The following CSF1 variants were observed in gnomAD, a reference collection of about 807,000 sequenced individuals.
CSF1 encodes the protein macrophage colony-stimulating factor 1.
Under a neutral mutation model 48.9 loss-of-function variants are expected in CSF1, and 9 were observed. That is an observed-to-expected ratio of 0.18 (90% CI 0.11 to 0.32). The LOEUF is 0.32. Among genes scored for constraint, CSF1 ranks in the 10% least tolerant of loss-of-function variants. The pLI, the probability that CSF1 is intolerant of heterozygous loss-of-function variation, is 1.00. For missense variants in CSF1, 672 were observed against 697.9 expected (o/e 0.96, Z 0.42); for synonymous variants, 305 against 284.1 (o/e 1.07, Z -0.74).
rs1390616870 is a variant in CSF1 at position 109,924,090 on chromosome 1, G to C, written c.1469G>C (p.Ser490Thr). ...GHERQSEGSF[S>T]PQLQESVFHL... ...GAGAGGCAGTCCGAGGGATCCTTCA[G>C]CCCGCAGCTCCAGGAGTCTGTCTTC... Residue 490 changes from serine (S) to threonine (T), a missense_variant, in exon 6 of 9, where the codon AGC becomes ACC. Around this residue, in one of 3 missense-constraint regions of CSF1, gnomAD observed 591 missense variants for 593.6 expected, o/e 1.00. Transcript: ENST00000329608. The C allele has an allele frequency of 6.2e-7, 1 of 1,614,204 alleles. No homozygotes were observed. The highest frequency in any genetic ancestry group is 8.5e-7 in the Non-Finnish European group (1 of 1,180,024).
At chr1:109,917,198 A>C (rs1647259578) in intron 3 of CSF1, 95 bp from the exon 4 acceptor site, 1 of 1,326,786 alleles carries the variant, frequency 7.5e-7, no homozygotes, top group Admixed American at 2.1e-5. Context: ...CCCTGGGGGA[A>C]GGGGGAGAGC....
Position 109,929,684 on chromosome 1 carries a change from C to G in CSF1, c.*846C>G, listed in dbSNP as rs1461990779. The G allele has an allele frequency of 6.5e-6, 1 of 154,194 alleles. No individual in the cohort carries two copies. Among genetic ancestry groups the G allele is most frequent in the Non-Finnish European group, 1.4e-5 (1 of 69,350 alleles). The allele number at this position is 154,194 out of a possible 1,614,324, so 9.6% of individuals were successfully genotyped here. On this transcript the variant is annotated 3_prime_UTR_variant, in exon 9 of 9. Transcript: ENST00000329608. Reference sequence around the variant, plus strand: ...TGCCTGCTGAACAGCCTGCCCCCGTCCATCCATGAGCCAGCATCCGTCCGT... The same window carrying G: ...TGCCTGCTGAACAGCCTGCCCCCGTGCATCCATGAGCCAGCATCCGTCCGT...
rs762780495 is a variant in CSF1 at position 109,921,924 on chromosome 1, T to G, written c.474T>G (p.Asn158Lys). Residue 158 changes from asparagine (N) to lysine (K), a missense_variant, in exon 5 of 9, where the codon AAT (asparagine) becomes AAG (lysine). Asn to Lys is a moderately conservative substitution (Grantham distance 94, BLOSUM62 0). Transcript: ENST00000329608. ...KVKNVFNETK[N>K]LLDKDWNIFS... ...AGAATGTCTTTAATGAAACAAAGAA[T>G]CTCCTTGACAAGGACTGGAATATTT... 2 of 1,611,810 alleles carry G rather than the reference T, an allele frequency of 1.2e-6. No homozygotes were observed. The highest frequency in any genetic ancestry group is 1.1e-5 in the South Asian group (1 of 90,726).
rs1647550785 is a variant in CSF1, at chr1:109,921,702, T to C, written c.397-145T>C. ...TATCTCATAACCTCAGGACTCATTC[T>C]GCTGCAAACCAGGGGAAAGGGGAGC... is the stretch of plus-strand genomic sequence containing the variant. On this transcript the variant is annotated intron_variant, in intron 4 of 8. Transcript: ENST00000329608. The C allele has an allele frequency of 4.0e-6, 4 of 1,009,982 alleles. No homozygotes were observed. The Admixed American group carries it at 1.1e-4, about 27-fold the overall frequency. 62.6% of individuals were successfully genotyped at this position (1,009,982 alleles called of 1,614,324 possible). A position where few individuals can be genotyped will look rare whatever the true frequency, so the allele number is the denominator to read the frequency against.
At position 109,911,039 on chromosome 1, in the gene CSF1, G is replaced by A. The variant is rs1187521737; in HGVS notation, c.16G>A (p.Ala6Thr). 8.8e-7 allele frequency: 1 copy of A among 1,138,650 alleles called. No individual in the cohort carries two copies. The highest frequency in any genetic ancestry group is 1.1e-6 in the Non-Finnish European group (1 of 929,018). The allele number at this position is 1,138,650 out of a possible 1,614,324, so 70.5% of individuals were successfully genotyped here. ...AGCTGCCCGTATGACCGCGCCGGGC[G>A]CCGCCGGGCGCTGCCCTCCCACGGT... MTAPGAAGRCPPTTWL... is the reference protein window; with the variant it reads MTAPGTAGRCPPTTWL... Residue 6 changes from alanine to threonine, a missense_variant, in exon 1 of 9, where the codon GCC (alanine) becomes ACC (threonine). This residue lies in a region of CSF1 where 53 missense variants were observed against 45.5 expected (regional missense o/e 1.17). Coordinates refer to ENST00000329608, the MANE Select transcript of CSF1 (RefSeq NM_000757.6).
chr1:109,930,647 T>C lies in CSF1; in HGVS notation c.*1809T>C, dbSNP rs982194595. 1 of 152,186 alleles carries C rather than the reference T, an allele frequency of 6.6e-6. No homozygotes were observed. The highest frequency in any genetic ancestry group is 1.5e-5 in the Non-Finnish European group (1 of 68,042). 9.4% of individuals were successfully genotyped at this position (152,186 alleles called of 1,614,324 possible). On this transcript the variant is annotated 3_prime_UTR_variant, in exon 9 of 9. Coordinates refer to ENST00000329608, the MANE Select transcript of CSF1 (RefSeq NM_000757.6). Reference sequence around the variant, plus strand: ...ATGCTAGAAAACACATATTTTTAAATGGAAGAAAAATAAAAAGGCATTCCC... The same window carrying C: ...ATGCTAGAAAACACATATTTTTAAACGGAAGAAAAATAAAAAGGCATTCCC...
chr1:109,923,774 C>T lies in CSF1; in HGVS notation c.1153C>T (p.Gln385Ter). ...TGGCCAGGACTGGAATCACACCCCC[C>T]AGAAGACAGACCATCCATCTGCCCT... is the stretch of plus-strand genomic sequence containing the variant. ...PTGQDWNHTPQKTDHPSALLR... is the reference protein window; with the variant it reads ...PTGQDWNHTP Residue 385 changes from glutamine (Q) to a stop codon, truncating the protein, a stop_gained, in exon 6 of 9, where the codon CAG becomes TAG. Coordinates refer to ENST00000329608, the MANE Select transcript of CSF1 (RefSeq NM_000757.6). LOFTEE classifies it high-confidence loss of function. 1 of 1,608,346 alleles carries T rather than the reference C, an allele frequency of 6.2e-7. No individual in the cohort carries two copies. Among genetic ancestry groups the T allele is most frequent in the Non-Finnish European group, 8.5e-7 (1 of 1,177,168 alleles).
Position 109,914,326 on chromosome 1 carries a change from C to G in CSF1, c.107C>G (p.Ser36Trp). ...AGCAGGAGTATCACCGAGGAGGTGT[C>G]GGAGTACTGTAGCCACATGATTGGG... ...LASRSITEEV[S>W]EYCSHMIGSG... The change falls in exon 2 of 9, where the codon TCG becomes TGG. Residue 36 changes from serine (S) to tryptophan (W), a missense_variant. Transcript: ENST00000329608. 1 of 1,607,680 alleles carries G rather than the reference C, an allele frequency of 6.2e-7. No homozygotes were observed. Among genetic ancestry groups the G allele is most frequent in the Non-Finnish European group, 8.5e-7 (1 of 1,177,004 alleles).
In CSF1 at chr1:109,917,278, G is replaced by A. The variant is rs1228064593; in HGVS notation, c.226-15G>A. 1 of 1,611,974 alleles carries A rather than the reference G, an allele frequency of 6.2e-7. No homozygotes were observed. The highest frequency in any genetic ancestry group is 8.5e-7 in the Non-Finnish European group (1 of 1,178,860). ...ACAATGGCCAGGCCATAAGCTCCAG[G>A]TTCCTGTTTTTCAGAAAGATCCAGT... On this transcript the variant is annotated splice_polypyrimidine_tract_variant and intron_variant, in intron 3 of 8. Coordinates refer to ENST00000329608, the MANE Select transcript of CSF1 (RefSeq NM_000757.6).
At position 109,930,944 on chromosome 1, in the gene CSF1, G is replaced by T. The variant is rs563360443; in HGVS notation, c.*2106G>T. On this transcript the variant is annotated 3_prime_UTR_variant, in exon 9 of 9. Coordinates refer to ENST00000329608, the MANE Select transcript of CSF1 (RefSeq NM_000757.6). Reference sequence around the variant, plus strand: ...AAGTCATTTAAATATCTATTTAAAAGATAGGAAGCTGCTTATATATTTAAT... The same window carrying T: ...AAGTCATTTAAATATCTATTTAAAATATAGGAAGCTGCTTATATATTTAAT... 6.6e-6 allele frequency: 1 copy of T among 152,312 alleles called. No homozygotes were observed. The highest frequency in any genetic ancestry group is 2.4e-5 in the African/African-American group (1 of 41,562). 9.4% of individuals were successfully genotyped at this position (152,312 alleles called of 1,614,324 possible).
At chr1:109,924,971 G>A in intron 7 of CSF1, 143 bp downstream of exon 7, 1 of 1,050,610 alleles carries the variant, frequency 9.5e-7, no homozygotes, top group Non-Finnish European at 1.5e-6. Context: ...AAGGGCCTCT[G>A]TCCTTTCCCA....
chr1:109,917,998 G>A (rs1041377702), intron 4 of CSF1, among the ~76,000 whole-genome samples: 3 of 152,200 alleles, frequency 2.0e-5, no homozygotes, highest in Non-Finnish European at 2.9e-5. Flanking sequence ...GGGATGAGAC[G>A]ACCCGAAGGA....
intron 6 of CSF1, among the ~76,000 whole-genome samples, chr1:109,924,505 A>G (rs1463668927): frequency 1.3e-5 from 2 of 152,058 alleles, no homozygotes; most frequent in African/African-American, 4.8e-5. Context: ...TGAGCGTGTC[A>G]GGGCAGGCGT....
intron 1 of CSF1, among the ~76,000 whole-genome samples, chr1:109,911,977 G>A (rs2101637503): frequency 6.6e-6 from 1 of 152,140 alleles, no homozygotes; most frequent in African/African-American, 2.4e-5. Context: ...GAGGAGTCCT[G>A]GAAGAAAATG....
At position 109,923,779 on chromosome 1, in the gene CSF1, G is replaced by A; in HGVS notation, c.1158G>A (p.Lys386=). ...TGQDWNHTPQ[K]TDHPSALLRD... Reference sequence around the variant, plus strand: ...AGGACTGGAATCACACCCCCCAGAAGACAGACCATCCATCTGCCCTGCTCA... The same window carrying A: ...AGGACTGGAATCACACCCCCCAGAAAACAGACCATCCATCTGCCCTGCTCA... Residue 386 remains lysine (K), a synonymous_variant, in exon 6 of 9, where the codon AAG becomes AAA. Coordinates refer to ENST00000329608, the MANE Select transcript of CSF1 (RefSeq NM_000757.6). 1.2e-6 allele frequency: 2 copies of A among 1,608,610 alleles called. No individual in the cohort carries two copies. Among genetic ancestry groups the A allele is most frequent in the East Asian group, 2.2e-5 (1 of 44,818 alleles).
intron 8 of CSF1, among the ~76,000 whole-genome samples, chr1:109,928,607 C>T (rs1451425088): frequency 6.6e-6 from 1 of 152,134 alleles, no homozygotes; most frequent in Non-Finnish European, 1.5e-5. Context: ...TTATCTTCCA[C>T]TGAGGCCCTG....
chr1:109,915,340 T>A (rs1231203193), intron 2 of CSF1, among the ~76,000 whole-genome samples: 2 of 152,204 alleles, frequency 1.3e-5, no homozygotes, highest in Non-Finnish European at 2.9e-5. Flanking sequence ...CAGGGAAGAT[T>A]ATATCCTATA....
chr1:109,923,731 G>A lies in CSF1; in HGVS notation c.1110G>A (p.Val370=), dbSNP rs200105708. Residue 370 remains valine (V), a synonymous_variant, in exon 6 of 9, where the codon GTG becomes GTA. Coordinates refer to ENST00000329608, the MANE Select transcript of CSF1 (RefSeq NM_000757.6). ...TAACTGGTACCGCCTTGCCCAGGGTGGGCCCCGTGAGGCCCACTGGCCAGG... is the reference window on the plus strand; with the variant it reads ...TAACTGGTACCGCCTTGCCCAGGGTAGGCCCCGTGAGGCCCACTGGCCAGG... ...ADVTGTALPR[V]GPVRPTGQDW... 6.8e-6 allele frequency: 11 copies of A among 1,611,826 alleles called. No homozygotes were observed. In the African/African-American group the frequency reaches 1.3e-4, roughly 20 times the overall value.
rs181893959 is a variant in CSF1, at chr1:109,930,871, C to T, written c.*2033C>T. The T allele has an allele frequency of 6.6e-6, 1 of 152,206 alleles. No individual in the cohort carries two copies. The highest frequency in any genetic ancestry group is 2.4e-5 in the African/African-American group (1 of 41,506). 9.4% of individuals were successfully genotyped at this position (152,206 alleles called of 1,614,324 possible). On this transcript the variant is annotated 3_prime_UTR_variant, in exon 9 of 9. Transcript: ENST00000329608. ...TCAAGAGAGGACATTGGCTCACGCA[C>T]TGTGAGATTTTGTTTTTATACTTGG... is the stretch of plus-strand genomic sequence containing the variant.
Sources: allele counts gnomAD v4.1 joint callset (sites outside exome capture counted in the v4.1 genomes callset), GRCh38; gene constraint gnomAD v4.1.1; regional missense constraint gnomAD v4.1.1; transcripts MANE v1.5; gene names NCBI Gene and HGNC (gene_info 2026-07-23, HGNC 2026-07-21).